The following PPP2R1A variants were observed in gnomAD, a reference collection of about 807,000 sequenced individuals.
The protein encoded by PPP2R1A is protein phosphatase 2 scaffold subunit Aalpha, also known as serine/threonine-protein phosphatase 2A 65 kDa regulatory subunit A alpha isoform.
A neutral mutation model predicts 67.1 loss-of-function variants in PPP2R1A; 15 were observed. The observed-to-expected ratio is 0.22, with a 90% CI of 0.15 to 0.34. The LOEUF is 0.34. Among genes scored for constraint, PPP2R1A ranks in the 10% least tolerant of loss-of-function variants. The pLI is 1.00. For missense variants in PPP2R1A, 369 were observed against 775.0 expected, an observed-to-expected ratio of 0.48 and a Z score of 6.22; for synonymous variants, 337 against 325.0, an observed-to-expected ratio of 1.04 and a Z score of -0.40.
chr19:52,223,209 TC>T (rs1268288688), intron 13 of PPP2R1A, among the ~76,000 whole-genome samples: 1 of 152,184 alleles, frequency 6.6e-6, no homozygotes, highest in Non-Finnish European at 1.5e-5. Context: ...CAATTTGATA[TC>T]CATTTAGGAA....
At chr19:52,206,173 A>G in intron 3 of PPP2R1A, 110 bp downstream of exon 3, 2 of 904,624 alleles carry the variant, frequency 2.2e-6, no homozygotes, top group Non-Finnish European at 3.4e-6. Context: ...ATCACGTCAG[A>G]ACAGCCGGGC....
intron 13 of PPP2R1A, among the ~76,000 whole-genome samples, chr19:52,222,650 C>T (rs981483167): frequency 9.9e-5 from 15 of 152,280 alleles, no homozygotes; most frequent in Admixed American, 2.6e-4. Flanking sequence ...CCAAGGTGGG[C>T]GGATCAGTTG....
At chr19:52,207,459 C>T (rs2089615878) in intron 3 of PPP2R1A, among the ~76,000 whole-genome samples, 1 of 152,218 alleles carries the variant, frequency 6.6e-6, no homozygotes, top group Admixed American at 6.5e-5. Context: ...GGATCCTTCT[C>T]CTACCTGGCC....
Position 52,190,342 on chromosome 19 carries a change from C to G in PPP2R1A, c.78+168C>G, listed in dbSNP as rs996440866. The G allele has an allele frequency of 5.2e-6, 4 of 767,520 alleles. No individual in the cohort carries two copies. In the African/African-American group the frequency reaches 5.3e-5, roughly 10 times the overall value. The allele number at this position is 767,520 out of a possible 1,614,324, so 47.5% of individuals were successfully genotyped here. The stretch of plus-strand genomic sequence containing the variant: ...TGCCCGGACTCCTTGAGACGGCGCT[C>G]CCGATTGGGTGTCGGCCCAGTGGAG... On this transcript the variant is annotated intron_variant, in intron 1 of 14. Coordinates refer to ENST00000322088, the MANE Select transcript of PPP2R1A (RefSeq NM_014225.6).
At chr19:52,196,436 G>A (rs1321785648) in intron 1 of PPP2R1A, among the ~76,000 whole-genome samples, 1 of 152,164 alleles carries the variant, frequency 6.6e-6, no homozygotes, top group Non-Finnish European at 1.5e-5. Flanking sequence ...GATTCCAGCA[G>A]CATCTGCTGT....
Position 52,216,522 on chromosome 19 carries a change from C to T in PPP2R1A, c.994-7C>T, listed in dbSNP as rs1473593196. The T allele has an allele frequency of 6.2e-7, 1 of 1,614,190 alleles. No homozygotes were observed. Among genetic ancestry groups the T allele is most frequent in the South Asian group, 1.1e-5 (1 of 91,084 alleles). ...TGACCCCTGTGCCTGCCTCTTCTCT[C>T]TCCCAGGAGCTGGTGTCCGATGCCA... On this transcript the variant is annotated splice_polypyrimidine_tract_variant and splice_region_variant and intron_variant, in intron 8 of 14. Transcript: ENST00000322088. The surrounding 1 kb of genome is among the most constrained non-coding windows in gnomAD (Gnocchi z 4.3).
In PPP2R1A at chr19:52,228,847, C is replaced by T. The variant is rs1302776370; in HGVS notation, c.*2866C>T. 1 of 152,270 alleles carries T rather than the reference C, an allele frequency of 6.6e-6. No homozygotes were observed. Among genetic ancestry groups the T allele is most frequent in the Non-Finnish European group, 1.5e-5 (1 of 68,096 alleles). The allele number at this position is 152,270 out of a possible 1,614,324, so 9.4% of individuals were successfully genotyped here. A position where few individuals can be genotyped will look rare whatever the true frequency, so the allele number is the denominator to read the frequency against. ...CTTCCTTCCACTGCATTGACCCAGA[C>T]ATCTGGATGTGGATGAGGTCGAGTC... On this transcript the variant is annotated 3_prime_UTR_variant, in exon 15 of 15. Transcript: ENST00000322088.
In PPP2R1A at chr19:52,221,109, C is replaced by G; in HGVS notation, c.1494C>G (p.Arg498=). ...AMSGDPNYLH[R]MTTLFCINVL... ...CCGGAGACCCCAACTACCTGCACCG[C>G]ATGACTACGCTCTTCTGCATCAATG... is the stretch of plus-strand genomic sequence containing the variant. The change falls in exon 12 of 15, where the codon CGC becomes CGG. Residue 498 remains arginine (R), a synonymous_variant. Transcript: ENST00000322088. 6.2e-7 allele frequency: 1 copy of G among 1,614,256 alleles called. No homozygotes were observed.
Position 52,206,042 on chromosome 19 carries a change from A to G in PPP2R1A, c.249A>G (p.Pro83=). The part of the protein sequence containing the change: ...LGTFTTLVGG[P]EYVHCLLPPL... ...CCTTCACTACCCTGGTGGGAGGCCC[A>G]GAGTACGTGCACTGCCTGCTGGTGA... Residue 83 remains proline (P), a synonymous_variant, in exon 3 of 15, where the codon CCA becomes CCG. Transcript: ENST00000322088. 6.2e-7 allele frequency: 1 copy of G among 1,614,152 alleles called. No homozygotes were observed. The highest frequency in any genetic ancestry group is 8.5e-7 in the Non-Finnish European group (1 of 1,179,990).
At chr19:52,206,889 A>G (rs2089609150) in intron 3 of PPP2R1A, among the ~76,000 whole-genome samples, 1 of 151,740 alleles carries the variant, frequency 6.6e-6, no homozygotes, top group African/African-American at 2.4e-5. Flanking sequence ...GTGATTGTGT[A>G]TTTCACTGTC....
At position 52,229,026 on chromosome 19, in the gene PPP2R1A, A is replaced by G. The variant is rs1294726547; in HGVS notation, c.*3045A>G. 2.6e-5 allele frequency: 4 copies of G among 152,182 alleles called. No homozygotes were observed. Among genetic ancestry groups the G allele is most frequent in the Non-Finnish European group, 4.4e-5 (3 of 68,100 alleles). 9.4% of individuals were successfully genotyped at this position (152,182 alleles called of 1,614,324 possible). ...CTCCCCCGGGCAGATGAAGATGACG[A>G]GGTGGTGCCTCAGCCCCGAGGAGTG... is the stretch of plus-strand genomic sequence containing the variant. On this transcript the variant is annotated 3_prime_UTR_variant, in exon 15 of 15. Transcript: ENST00000322088.
intron 3 of PPP2R1A, 92 bp downstream of exon 3, chr19:52,206,155 G>C (rs550423678): frequency 1.7e-6 from 2 of 1,147,394 alleles, no homozygotes; most frequent in East Asian, 2.4e-5. Context: ...GTGTCAGAGA[G>C]CGTGGGGATC....
chr19:52,218,019 G>A (rs1037696025), intron 9 of PPP2R1A, among the ~76,000 whole-genome samples: 4 of 152,188 alleles, frequency 2.6e-5, no homozygotes, highest in African/African-American at 9.6e-5. Flanking sequence ...GAAGGCTGAG[G>A]CTAGACTAAG....
rs563877957 is a variant in PPP2R1A, at chr19:52,211,850, A to AG, written c.503+360dup. 1.7e-3 allele frequency among the ~76,000 whole-genome samples: 261 copies of AG among 152,348 alleles called. No individual in the cohort carries two copies. Among genetic ancestry groups the AG allele is most frequent in the African/African-American group, 5.6e-3 (231 of 41,582 alleles). ...TCTGATGGTATCTCCAGCCTGTCCC[A>AG]GGTCCAGTGCCTTTGGCAGATAAAC... On this transcript the variant is annotated intron_variant, in intron 4 of 14. Transcript: ENST00000322088. The surrounding 1 kb of genome is among the most constrained non-coding windows in gnomAD (Gnocchi z 5.3).
intron 1 of PPP2R1A, among the ~76,000 whole-genome samples, chr19:52,200,109 A>G (rs1172698534): frequency 6.6e-6 from 1 of 152,236 alleles, no homozygotes; most frequent in African/African-American, 2.4e-5. Context: ...GCCTCAGAAC[A>G]GAACAGGCTA....
chr19:52,208,813 C>T (rs1285237926), intron 3 of PPP2R1A, among the ~76,000 whole-genome samples: 2 of 152,166 alleles, frequency 1.3e-5, no homozygotes, highest in Non-Finnish European at 2.9e-5. Context: ...GTTCCTAACT[C>T]TTTTGGAATT....
intron 1 of PPP2R1A, among the ~76,000 whole-genome samples, chr19:52,194,088 C>CAAAAAAAAAAAAAAAAAA (rs915576804): frequency 5.5e-4 from 33 of 60,504 alleles, no homozygotes; most frequent in African/African-American, 7.7e-4. Flanking sequence ...ACCCTGTCTC[C>CAAAAAAAAAAAAAAAAAA]AAAAAAAAAA....
At chr19:52,210,427 C>T (rs2089653475) in intron 3 of PPP2R1A, among the ~76,000 whole-genome samples, 1 of 151,848 alleles carries the variant, frequency 6.6e-6, no homozygotes, top group South Asian at 2.1e-4. Context: ...GGTTTTCGAT[C>T]CTGACCTGTA....
intron 2 of PPP2R1A, among the ~76,000 whole-genome samples, chr19:52,202,258 G>A (rs1004502693): frequency 6.7e-6 from 1 of 148,302 alleles, no homozygotes; most frequent in African/African-American, 2.5e-5. Context: ...CAGGTAGAAC[G>A]AGGTTTGAGT....
Sources: gnomAD v4.1 joint callset for allele counts (sites outside exome capture counted in the v4.1 genomes callset) on GRCh38, gnomAD v4.1.1 for gene constraint, Gnocchi (gnomAD v3.1) non-coding constraint, MANE v1.5 for transcripts, NCBI Gene and HGNC (gene_info 2026-07-23, HGNC 2026-07-21) for gene names.